LINGO2: variants seen among roughly 807,000 people sequenced by gnomAD.
LINGO2 encodes leucine rich repeat and Ig domain containing 2, also known as leucine-rich repeat and immunoglobulin-like domain-containing nogo receptor-interacting protein 2.
LINGO2 carries 14 observed loss-of-function variants against 30.6 expected under a neutral mutation model. That is an observed-to-expected ratio of 0.46 (90% confidence interval 0.30 to 0.72). LINGO2 has a LOEUF of 0.72. Among genes scored for constraint, LINGO2 ranks in the 30% least tolerant of loss-of-function variants. The pLI is 0.07. For synonymous variants in LINGO2, 317 were observed against 288.5 expected (o/e 1.10, Z -1.00); for missense variants, 729 against 751.7 (o/e 0.97, Z 0.35).
chr9:28,512,640 C>A (rs1193380111), intron 1 of LINGO2, among the ~76,000 whole-genome samples: 1 of 76,800 alleles, frequency 1.3e-5, no homozygotes, highest in Non-Finnish European at 2.2e-5. Flanking sequence ...TATATATACA[C>A]ACATACATAC....
At chr9:28,459,615 C>T (rs1052800810) in intron 2 of LINGO2, among the ~76,000 whole-genome samples, 7 of 151,992 alleles carry the variant, frequency 4.6e-5, no homozygotes, top group Admixed American at 2.6e-4. Flanking sequence ...GTAGACTTTT[C>T]GCTCCTTAGA....
intron 2 of LINGO2, among the ~76,000 whole-genome samples, chr9:28,431,551 G>A (rs1409263343): frequency 6.6e-6 from 1 of 152,064 alleles, no homozygotes; most frequent in Non-Finnish European, 1.5e-5. Context: ...TAGCACCATG[G>A]CCCTTGATTA....
intron 5 of LINGO2, among the ~76,000 whole-genome samples, chr9:27,961,267 G>C (rs1563858714): frequency 1.3e-5 from 2 of 152,254 alleles, no homozygotes; most frequent in African/African-American, 4.8e-5. Flanking sequence ...GGTTCATTGG[G>C]ATGTGACCCC....
At chr9:29,113,880 C>CT in the LINGO2 span, among the ~76,000 whole-genome samples, 1 of 151,934 alleles carries the variant, frequency 6.6e-6, no homozygotes, top group Non-Finnish European at 1.5e-5. Flanking sequence ...AGGTATTTTA[C>CT]TTGTTGACTT....
intron 4 of LINGO2, among the ~76,000 whole-genome samples, chr9:28,226,192 C>T (rs1322184646): frequency 1.3e-5 from 2 of 152,138 alleles, no homozygotes; most frequent in Non-Finnish European, 2.9e-5. Flanking sequence ...CATCAACCTG[C>T]AAGGTAAAAT....
the LINGO2 span, among the ~76,000 whole-genome samples, chr9:28,857,168 G>A: frequency 1.3e-5 from 2 of 151,974 alleles, no homozygotes; most frequent in African/African-American, 4.8e-5. Flanking sequence ...CCCAGATAAA[G>A]TCTGTTAATT....
At chr9:28,000,438 C>T (rs1223940785) in intron 5 of LINGO2, among the ~76,000 whole-genome samples, 1 of 152,108 alleles carries the variant, frequency 6.6e-6, no homozygotes, top group African/African-American at 2.4e-5. Flanking sequence ...CTTCTGGCTC[C>T]TTCACTATAA....
chr9:28,265,625 CT>C (rs1822721666), intron 4 of LINGO2, among the ~76,000 whole-genome samples: 1 of 151,776 alleles, frequency 6.6e-6, no homozygotes, highest in African/African-American at 2.4e-5. Flanking sequence ...TCAAATGGAG[CT>C]GAAAAAAGAT....
At chr9:28,160,747 T>C (rs1828263123) in intron 4 of LINGO2, among the ~76,000 whole-genome samples, 1 of 152,222 alleles carries the variant, frequency 6.6e-6, no homozygotes, top group African/African-American at 2.4e-5. Flanking sequence ...CAGTGTCTGG[T>C]AACAGCAGAC....
the LINGO2 span, among the ~76,000 whole-genome samples, chr9:28,950,330 A>G: frequency 7.2e-5 from 11 of 152,190 alleles, no homozygotes; most frequent in Admixed American, 6.5e-5. Flanking sequence ...TTTGAAAAGC[A>G]GCACAAGACA....
At chr9:28,396,017 G>A (rs1270639617) in intron 2 of LINGO2, among the ~76,000 whole-genome samples, 1 of 152,136 alleles carries the variant, frequency 6.6e-6, no homozygotes, top group African/African-American at 2.4e-5. Flanking sequence ...TTGGGCAGAA[G>A]GAAACTAGGG....
chr9:27,973,528 A>C (rs1220464310), intron 5 of LINGO2, among the ~76,000 whole-genome samples: 1 of 152,190 alleles, frequency 6.6e-6, no homozygotes, highest in Non-Finnish European at 1.5e-5. Flanking sequence ...ATAGCTGTGA[A>C]ACTGAAGCTC....
chr9:28,576,721 C>T (rs1363144820), intron 1 of LINGO2, among the ~76,000 whole-genome samples: 2 of 151,836 alleles, frequency 1.3e-5, no homozygotes, highest in Non-Finnish European at 1.5e-5. Flanking sequence ...TATTTTTTTC[C>T]ATAGGTTATT....
intron 4 of LINGO2, among the ~76,000 whole-genome samples, chr9:28,156,180 G>A (rs75361462): frequency 0.044 from 6,646 of 152,172 alleles, 220 homozygotes; most frequent in Admixed American, 0.085. Flanking sequence ...TTCGTCTTAT[G>A]TACTGAATAG....
the LINGO2 span, among the ~76,000 whole-genome samples, chr9:28,735,579 G>C: frequency 6.6e-6 from 1 of 151,912 alleles, no homozygotes; most frequent in Non-Finnish European, 1.5e-5. Flanking sequence ...ACAATGGTTA[G>C]GTAATCCCAT....
At chr9:28,120,286 G>C (rs1013323636) in intron 4 of LINGO2, among the ~76,000 whole-genome samples, 1 of 152,152 alleles carries the variant, frequency 6.6e-6, no homozygotes, top group African/African-American at 2.4e-5. Context: ...ATACCTTAAC[G>C]CCTGTCACAA....
At chr9:28,172,390 CA>C (rs11421802) in intron 4 of LINGO2, among the ~76,000 whole-genome samples, 2,723 of 119,048 alleles carry the variant, frequency 0.023, 66 homozygotes, top group African/African-American at 0.07. Flanking sequence ...GACTCCGTCT[CA>C]AAAAAAAAAA....
the LINGO2 span, among the ~76,000 whole-genome samples, chr9:28,723,130 A>C: frequency 6.6e-6 from 1 of 152,056 alleles, no homozygotes; most frequent in Non-Finnish European, 1.5e-5. Context: ...TGCTTTTCAA[A>C]CTTTAATGTG....
the LINGO2 span, among the ~76,000 whole-genome samples, chr9:28,949,173 C>A: frequency 6.6e-6 from 1 of 151,996 alleles, no homozygotes; most frequent in African/African-American, 2.4e-5. Context: ...CTAAAACCGA[C>A]ACCCTAACAT....
Sources: allele counts gnomAD v4.1 joint callset (sites outside exome capture counted in the v4.1 genomes callset), GRCh38; gene constraint gnomAD v4.1.1; transcripts MANE v1.5; gene names NCBI Gene and HGNC (gene_info 2026-07-23, HGNC 2026-07-21).